The following PATJ variants were observed in gnomAD, a reference collection of about 807,000 sequenced individuals.
The protein encoded by PATJ is PATJ crumbs cell polarity complex component, also known as inaD-like protein.
PATJ carries 190 observed loss-of-function variants against 224.9 expected under a neutral mutation model. The observed-to-expected ratio is 0.84, with a 90% CI of 0.75 to 0.95. PATJ has a LOEUF of 0.95. PATJ is among the 40% of genes least tolerant of loss of function. The pLI, the probability that PATJ is intolerant of heterozygous loss-of-function variation, is 0.00. For missense variants in PATJ, 2,121 were observed against 2,270.3 expected (o/e 0.93, Z 1.34); for synonymous variants, 769 against 820.3 (o/e 0.94, Z 1.07).
intron 20 of PATJ, among the ~76,000 whole-genome samples, chr1:61,874,215 T>TATTTA (rs1553187253): frequency 2.0e-5 from 3 of 150,028 alleles, no homozygotes; most frequent in Non-Finnish European, 4.4e-5. Flanking sequence ...TTTATTTATT[T>TATTTA]ATTTTTGAGA....
intron 28 of PATJ, among the ~76,000 whole-genome samples, chr1:61,992,213 G>C (rs1220198761): frequency 6.6e-6 from 1 of 150,976 alleles, no homozygotes; most frequent in African/African-American, 2.4e-5. Context: ...TGCCTCCCAA[G>C]TTCAAGAGAT....
intron 16 of PATJ, among the ~76,000 whole-genome samples, chr1:61,831,626 T>C (rs1195299653): frequency 6.6e-6 from 1 of 152,090 alleles, no homozygotes; most frequent in Non-Finnish European, 1.5e-5. Flanking sequence ...AAAACTACAA[T>C]GAGATACCAT....
rs538337715 is a variant in PATJ, at chr1:62,111,976, T to C, written c.4462-2077T>C. 1.0e-3 allele frequency among the ~76,000 whole-genome samples: 157 copies of C among 152,148 alleles called. 1 individual carries two copies. Among genetic ancestry groups the C allele is most frequent in the African/African-American group, 3.2e-3 (131 of 41,532 alleles). On this transcript the variant is annotated intron_variant, in intron 34 of 43. Transcript: ENST00000642238. ...CGCCCAGCCCAAAACCCATGTTCTT[T>C]ACCACTGTTATTCTGGATGTAGCTC...
At chr1:61,996,994 G>A (rs111955667) in intron 28 of PATJ, among the ~76,000 whole-genome samples, 1 of 151,994 alleles carries the variant, frequency 6.6e-6, no homozygotes, top group South Asian at 2.1e-4. Flanking sequence ...TGCCCGCCTT[G>A]GCCTCCCAAA....
At chr1:62,133,063 A>G (rs1483688944) in intron 41 of PATJ, among the ~76,000 whole-genome samples, 1 of 152,184 alleles carries the variant, frequency 6.6e-6, no homozygotes, top group Non-Finnish European at 1.5e-5. Context: ...GTTAAGTGGA[A>G]GAGTTTGGCG....
At chr1:61,888,182 G>A (rs942112769) in intron 22 of PATJ, among the ~76,000 whole-genome samples, 4 of 152,234 alleles carry the variant, frequency 2.6e-5, no homozygotes, top group Non-Finnish European at 4.4e-5. Flanking sequence ...AACGCACAGT[G>A]ATAAATAAGC....
chr1:61,745,999 G>GCGC (rs1645005455), intron 1 of PATJ, among the ~76,000 whole-genome samples: 1 of 151,970 alleles, frequency 6.6e-6, no homozygotes, highest in Non-Finnish European at 1.5e-5. Context: ...GTGCAGTGCC[G>GCGC]CGATCTCCAC....
intron 31 of PATJ, among the ~76,000 whole-genome samples, chr1:62,065,091 C>T (rs1219192466): frequency 6.6e-6 from 1 of 152,102 alleles, no homozygotes; most frequent in Non-Finnish European, 1.5e-5. Flanking sequence ...TTGAGATTTG[C>T]GTACATGATA....
intron 17 of PATJ, among the ~76,000 whole-genome samples, chr1:61,836,996 C>T (rs1481746572): frequency 6.6e-6 from 1 of 152,186 alleles, no homozygotes; most frequent in Non-Finnish European, 1.5e-5. Flanking sequence ...TGAAAATTTA[C>T]TTTGGAATAT....
intron 17 of PATJ, among the ~76,000 whole-genome samples, chr1:61,838,665 C>T (rs962558572): frequency 2.0e-5 from 3 of 151,694 alleles, no homozygotes; most frequent in Admixed American, 6.6e-5. Context: ...CCACTGCGCC[C>T]GGCCGACTGA....
rs766518355 is a variant in PATJ at position 62,025,916 on chromosome 1, C to G, written c.3959+7969C>G. Among the ~76,000 whole-genome samples, 16 of 152,204 alleles carry G rather than the reference C, an allele frequency of 1.1e-4. 1 individual carries two copies. Among genetic ancestry groups the G allele is most frequent in the Non-Finnish European group, 2.2e-4 (15 of 68,032 alleles). On this transcript the variant is annotated intron_variant, in intron 29 of 43. Coordinates refer to ENST00000642238, the MANE Select transcript of PATJ (RefSeq NM_001350145.3). ...CAGTCCTAAGTTCCCCACATCAACTCCCCTGCCAGCCTGCACTGCCAAATA... is the reference window on the plus strand; with the variant it reads ...CAGTCCTAAGTTCCCCACATCAACTGCCCTGCCAGCCTGCACTGCCAAATA...
At chr1:62,148,152 A>G (rs1570813690) in intron 41 of PATJ, 132 bp from the exon 42 acceptor site, 1 of 417,558 alleles carries the variant, frequency 2.4e-6, no homozygotes, top group Non-Finnish European at 4.8e-6. Context: ...GTTTGAGAGA[A>G]TAGTCCTTGT....
chr1:61,765,407 C>CA (rs1646215256), intron 3 of PATJ, among the ~76,000 whole-genome samples: 1 of 150,594 alleles, frequency 6.6e-6, no homozygotes, highest in Non-Finnish European at 1.5e-5. Context: ...TTTTTGGAGA[C>CA]AGAGTCTTGC....
chr1:61,876,489 T>C (rs1238741744), intron 21 of PATJ, among the ~76,000 whole-genome samples: 9 of 152,174 alleles, frequency 5.9e-5, no homozygotes, highest in African/African-American at 2.2e-4. Flanking sequence ...ATCTGTTTCA[T>C]TACTATTAAT....
intron 11 of PATJ, among the ~76,000 whole-genome samples, chr1:61,798,231 G>A (rs1557664501): frequency 6.7e-6 from 1 of 150,254 alleles, no homozygotes; most frequent in Non-Finnish European, 1.5e-5. Flanking sequence ...GTCTCACTTT[G>A]TTGCCCAGGC....
At chr1:61,834,043 AACTTGTTTAT>A (rs1659777804) in intron 17 of PATJ, among the ~76,000 whole-genome samples, 1 of 152,200 alleles carries the variant, frequency 6.6e-6, no homozygotes, top group Non-Finnish European at 1.5e-5. Context: ...GATCTTGATG[AACTTGTTTAT>A]ATGGAGGACT....
intron 40 of PATJ, 84 bp downstream of exon 40, chr1:62,128,178 T>C (rs1240966702): frequency 1.9e-5 from 29 of 1,546,142 alleles, no homozygotes; most frequent in Non-Finnish European, 2.4e-5. Flanking sequence ...TTGTTTAAAG[T>C]TGGAATTCCA....
intron 34 of PATJ, among the ~76,000 whole-genome samples, chr1:62,112,678 T>C (rs1223636979): frequency 2.0e-5 from 3 of 152,214 alleles, no homozygotes; most frequent in Non-Finnish European, 2.9e-5. Flanking sequence ...TGGGCTGGAC[T>C]TATCCTTCCC....
In PATJ at chr1:61,833,756, G is replaced by A; in HGVS notation, c.2083G>A (p.Gly695Ser). The change falls in exon 17 of 44, where the codon GGT (glycine) becomes AGT (serine). Residue 695 changes from glycine (G) to serine (S), a missense_variant. By Grantham distance (56) the Gly-to-Ser change is moderately conservative (BLOSUM62 0). Coordinates refer to ENST00000642238, the MANE Select transcript of PATJ (RefSeq NM_001350145.3). ...KIVELVKDCK[G>S]LGFSILDYQD... ...TGTTGAACTAGTAAAAGATTGTAAA[G>A]GTTTGGGATTCAGCATTTTGGATTA... 6.2e-7 allele frequency: 1 copy of A among 1,613,546 alleles called. No individual in the cohort carries two copies. The highest frequency in any genetic ancestry group is 1.1e-5 in the South Asian group (1 of 91,026).
Sources: gnomAD v4.1 joint callset for allele counts (sites outside exome capture counted in the v4.1 genomes callset) on GRCh38, gnomAD v4.1.1 for gene constraint, MANE v1.5 for transcripts, NCBI Gene and HGNC (gene_info 2026-07-23, HGNC 2026-07-21) for gene names.